The following DNAH9 variants were observed in gnomAD, a reference collection of about 807,000 sequenced individuals.
The protein encoded by DNAH9 is dynein axonemal heavy chain 9.
A neutral mutation model predicts 471.6 loss-of-function variants in DNAH9; 345 were observed. That is an observed-to-expected ratio of 0.73 (90% CI 0.67 to 0.80). DNAH9 has a LOEUF of 0.80. Among genes scored for constraint, DNAH9 ranks in the 30% least tolerant of loss-of-function variants. DNAH9 has a pLI of 0.00. For synonymous variants in DNAH9, 2,093 were observed against 2,123.6 expected, an observed-to-expected ratio of 0.99 and a Z score of 0.40; for missense variants, 5,407 against 5,609.2, an observed-to-expected ratio of 0.96 and a Z score of 1.15.
At chr17:11,767,602 T>A (rs1214852762) in intron 36 of DNAH9, among the ~76,000 whole-genome samples, 1 of 152,160 alleles carries the variant, frequency 6.6e-6, no homozygotes, top group Non-Finnish European at 1.5e-5. Flanking sequence ...TATGGGACTT[T>A]TTTTTTCCTT....
chr17:11,605,111 C>T (rs941033843), intron 1 of DNAH9, among the ~76,000 whole-genome samples: 1 of 152,204 alleles, frequency 6.6e-6, no homozygotes, highest in Non-Finnish European at 1.5e-5. Context: ...AAGCATGCTT[C>T]CACCTCGGGG....
intron 17 of DNAH9, among the ~76,000 whole-genome samples, chr17:11,677,897 T>C (rs1034199933): frequency 6.6e-6 from 1 of 152,032 alleles, no homozygotes; most frequent in Non-Finnish European, 1.5e-5. Flanking sequence ...TTCACAATGA[T>C]TAAAAGACTT....
At chr17:11,955,257 T>C (rs1374176648) in intron 67 of DNAH9, among the ~76,000 whole-genome samples, 2 of 151,862 alleles carry the variant, frequency 1.3e-5, no homozygotes, top group African/African-American at 4.8e-5. Flanking sequence ...TGTGCTACAA[T>C]AGCAGAATTG....
At chr17:11,646,284 G>C (rs907505939) in intron 11 of DNAH9, among the ~76,000 whole-genome samples, 1 of 152,010 alleles carries the variant, frequency 6.6e-6, no homozygotes, top group African/African-American at 2.4e-5. Context: ...CTCCTGAAGT[G>C]CTGGGATTAC....
chr17:11,642,404 T>TGG (rs2073291866), intron 10 of DNAH9, among the ~76,000 whole-genome samples: 1 of 127,798 alleles, frequency 7.8e-6, no homozygotes, highest in Non-Finnish European at 1.6e-5. Context: ...CCAGGTGTGG[T>TGG]GGGGGCAGGG....
In DNAH9 at chr17:11,859,242, A is replaced by G. The variant is rs145684636; in HGVS notation, c.9933+4814A>G. 6.1e-3 allele frequency among the ~76,000 whole-genome samples: 926 copies of G among 151,762 alleles called. 13 individuals are homozygous for G. The highest frequency in any genetic ancestry group is 0.022 in the African/African-American group (897 of 41,376). ...ACCTCGGCCCACATGGTGAAACCCT[A>G]TCTCTACTAAAAATACAAAATTAGC... On this transcript the variant is annotated intron_variant, in intron 50 of 68. Transcript: ENST00000262442.
At chr17:11,924,321 T>C (rs1260978442) in intron 62 of DNAH9, among the ~76,000 whole-genome samples, 1 of 152,150 alleles carries the variant, frequency 6.6e-6, no homozygotes, top group South Asian at 2.1e-4. Flanking sequence ...TGCTGTGCCT[T>C]TCTTTTGGGC....
At position 11,784,459 on chromosome 17, in the gene DNAH9, A is replaced by C. The variant is rs758630308; in HGVS notation, c.7981A>C (p.Lys2661Gln). ...CGATCTGGCCCTCGCCTTCCACCAG[A>C]AAATTGCTACCACCTTCCTACCCAC... ...LIDLALAFHQ[K>Q]IATTFLPTGI... Residue 2661 changes from lysine to glutamine, a missense_variant, in exon 41 of 69, where the codon AAA becomes CAA. Lys to Gln is a moderately conservative substitution (Grantham distance 53, BLOSUM62 1). Transcript: ENST00000262442. 6.2e-7 allele frequency: 1 copy of C among 1,614,180 alleles called. No individual in the cohort carries two copies. The highest frequency in any genetic ancestry group is 8.5e-7 in the Non-Finnish European group (1 of 1,180,036).
At position 11,902,921 on chromosome 17, in the gene DNAH9, CAG is replaced by C; in HGVS notation, c.11600+10_11600+11del. On this transcript the variant is annotated intron_variant, in intron 60 of 68. Coordinates refer to ENST00000262442, the MANE Select transcript of DNAH9 (RefSeq NM_001372.4). Reference sequence around the variant, plus strand: ...ATGACCTATGCTTTGCGGTAGGAAACAGGGTGGTGGAAGGCCCAGCATAGGCA... The same window carrying C: ...ATGACCTATGCTTTGCGGTAGGAAACGGTGGTGGAAGGCCCAGCATAGGCA... 6.2e-7 allele frequency: 1 copy of C among 1,610,660 alleles called. No homozygotes were observed. Among genetic ancestry groups the C allele is most frequent in the Non-Finnish European group, 8.5e-7 (1 of 1,178,840 alleles).
chr17:11,677,655 A>G (rs1763308710), intron 17 of DNAH9, among the ~76,000 whole-genome samples: 1 of 152,072 alleles, frequency 6.6e-6, no homozygotes, highest in Non-Finnish European at 1.5e-5. Context: ...TTTAATTTAA[A>G]TCTACCATTT....
intron 65 of DNAH9, among the ~76,000 whole-genome samples, chr17:11,934,688 G>A (rs918992044): frequency 6.6e-6 from 1 of 152,012 alleles, no homozygotes; most frequent in Admixed American, 6.6e-5. Flanking sequence ...TCCTGACCTC[G>A]TGATCCGCCC....
chr17:11,918,760 C>T (rs977293976), intron 61 of DNAH9, among the ~76,000 whole-genome samples: 8 of 152,026 alleles, frequency 5.3e-5, no homozygotes, highest in East Asian at 2.0e-4. Flanking sequence ...CCAAGGCACG[C>T]GGATCACCTG....
rs548799673 is a variant in DNAH9, at chr17:11,694,616, T to C, written c.4872+169T>C. 1.6e-3 allele frequency among the ~76,000 whole-genome samples: 9 copies of C among 5,514 alleles called. 1 individual carries two copies. In the East Asian group the frequency reaches 0.032, roughly 19 times the overall value. 3.6% of individuals were successfully genotyped at this position (5,514 alleles called of 152,430 possible). A position where few individuals can be genotyped will look rare whatever the true frequency, so the allele number is the denominator to read the frequency against. On this transcript the variant is annotated intron_variant, in intron 22 of 68. Coordinates refer to ENST00000262442, the MANE Select transcript of DNAH9 (RefSeq NM_001372.4). ...ATACCTCGGAGCTTTCTTGCTTTCT[T>C]GCTTTCTTGCTTTCTTGCTTTCTTG...
chr17:11,761,449 T>C (rs780680294), intron 35 of DNAH9, among the ~76,000 whole-genome samples: 1 of 152,188 alleles, frequency 6.6e-6, no homozygotes, highest in African/African-American at 2.4e-5. Flanking sequence ...CTCCTCCCCA[T>C]CACTGGAAAT....
intron 34 of DNAH9, among the ~76,000 whole-genome samples, chr17:11,757,259 C>G (rs1967435645): frequency 6.6e-6 from 1 of 152,130 alleles, no homozygotes; most frequent in Non-Finnish European, 1.5e-5. Flanking sequence ...GGCTCTGTGG[C>G]TCACACCTAT....
At chr17:11,667,910 C>T (rs2073901505) in intron 15 of DNAH9, among the ~76,000 whole-genome samples, 1 of 152,210 alleles carries the variant, frequency 6.6e-6, no homozygotes, top group African/African-American at 2.4e-5. Flanking sequence ...AGTTATTACT[C>T]TATTTCAAGG....
chr17:11,763,892 T>G (rs943701456), intron 36 of DNAH9, among the ~76,000 whole-genome samples: 3 of 152,154 alleles, frequency 2.0e-5, no homozygotes, highest in African/African-American at 7.2e-5. Flanking sequence ...AGTGTTTGAG[T>G]TTGAACAACT....
chr17:11,880,239 T>C, intron 54 of DNAH9, 39 bp downstream of exon 54: 11 of 1,607,032 alleles, frequency 6.8e-6, no homozygotes, highest in Non-Finnish European at 9.4e-6. Context: ...CGGGGGGAGC[T>C]GGTTCATGGC....
In DNAH9 at chr17:11,783,732, T is replaced by C. The variant is rs1266581198; in HGVS notation, c.7805T>C (p.Ile2602Thr). 6.2e-7 allele frequency: 1 copy of C among 1,613,940 alleles called. No homozygotes were observed. The highest frequency in any genetic ancestry group is 1.3e-5 in the African/African-American group (1 of 74,894). ...CMNPTAGSFT[I>T]NPRLQRHFSV... The stretch of plus-strand genomic sequence containing the variant: ...AACCCCACGGCAGGCAGCTTCACCA[T>C]CAACCCCCGGCTTCAGGTACAGGAG... Residue 2602 changes from isoleucine (I) to threonine (T), a missense_variant, in exon 40 of 69, where the codon ATC becomes ACC. Physicochemically the swap from Ile to Thr is moderately conservative, Grantham distance 89. Transcript: ENST00000262442.
Sources: allele counts gnomAD v4.1 joint callset (sites outside exome capture counted in the v4.1 genomes callset), GRCh38; gene constraint gnomAD v4.1.1; transcripts MANE v1.5; gene names NCBI Gene and HGNC (gene_info 2026-07-23, HGNC 2026-07-21).